The following CDH24 variants were observed in gnomAD, a reference collection of about 807,000 sequenced individuals.
CDH24 encodes cadherin-24.
A neutral mutation model predicts 71.2 loss-of-function variants in CDH24; 61 were observed. That is an observed-to-expected ratio of 0.86 (90% CI 0.70 to 1.06). CDH24 has a LOEUF of 1.06. Among genes scored for constraint, CDH24 ranks in the 50% least tolerant of loss-of-function variants. CDH24 has a pLI of 0.00. For synonymous variants in CDH24, 440 were observed against 470.2 expected, an observed-to-expected ratio of 0.94 and a Z score of 0.83; for missense variants, 961 against 1,083.7, an observed-to-expected ratio of 0.89 and a Z score of 1.59.
Position 23,054,458 on chromosome 14 carries a change from G to T in CDH24, c.784+48C>A. On this transcript the variant is annotated intron_variant, in intron 5 of 12. Coordinates refer to ENST00000487137, the MANE Select transcript of CDH24 (RefSeq NM_144985.4). This position sits in a 1 kb window ranked among gnomAD's most constrained non-coding sequence, Gnocchi z 5.2. ...GGGAAGGTTTCTCCAGACACTGTAG[G>T]GGTGGGGTGATCAAAGGATGGCTCA... The T allele has an allele frequency of 6.3e-7, 1 of 1,591,684 alleles. No homozygotes were observed. Among genetic ancestry groups the T allele is most frequent in the Non-Finnish European group, 8.6e-7 (1 of 1,166,770 alleles).
chr14:23,056,690 G>A (rs1179595702), intron 1 of CDH24, among the ~76,000 whole-genome samples: 1 of 152,194 alleles, frequency 6.6e-6, no homozygotes, highest in Non-Finnish European at 1.5e-5. Context: ...CGGGCAGGCA[G>A]GGGCAGACCT....
chr14:23,048,231 G>A lies in CDH24; in HGVS notation c.2095C>T (p.Pro699Ser). ...GCCAGGAGCTGCGCCACGTCGGCGG[G>A]GCCGGGGGGTCTGGGCTGGCGCGAC... ...RVSRQPRPPG[P>S]ADVAQLLALR... The change falls in exon 12 of 13, where the codon CCC (proline) becomes TCC (serine). Residue 699 changes from proline (P) to serine (S), a missense_variant. Physicochemically the swap from Pro to Ser is moderately conservative, Grantham distance 74. Coordinates refer to ENST00000487137, the MANE Select transcript of CDH24 (RefSeq NM_144985.4). The A allele has an allele frequency of 1.5e-6, 2 of 1,325,250 alleles. No individual in the cohort carries two copies. The highest frequency in any genetic ancestry group is 1.9e-6 in the Non-Finnish European group (2 of 1,040,270). The allele number at this position is 1,325,250 out of a possible 1,614,324, so 82.1% of individuals were successfully genotyped here. A position where few individuals can be genotyped will look rare whatever the true frequency, so the allele number is the denominator to read the frequency against.
chr14:23,052,823 CG>C (rs2047095137), intron 7 of CDH24, among the ~76,000 whole-genome samples: 1 of 151,976 alleles, frequency 6.6e-6, no homozygotes, highest in African/African-American at 2.4e-5. Flanking sequence ...CTGGGTTTCA[CG>C]GGGGGAGGGG....
In CDH24 at chr14:23,054,539, C is replaced by T. The variant is rs951448752; in HGVS notation, c.751G>A (p.Asp251Asn). 3.7e-6 allele frequency: 6 copies of T among 1,613,776 alleles called. No individual in the cohort carries two copies. The highest frequency in any genetic ancestry group is 2.7e-5 in the African/African-American group (2 of 74,896). ...GSTTVTVTLS[D>N]VNDNPPKFPQ... is the part of the protein sequence containing the mutation. ...AACTTGGGGGGGTTGTCGTTGACAT[C>T]GCTGAGCGTGACAGTCACCGTAGTG... Residue 251 changes from aspartate to asparagine, a missense_variant, in exon 5 of 13, where the codon GAT becomes AAT. Physicochemically the swap from Asp to Asn is conservative, Grantham distance 23. Transcript: ENST00000487137. The surrounding 1 kb of genome is among the most constrained non-coding windows in gnomAD (Gnocchi z 5.2).
intron 1 of CDH24, among the ~76,000 whole-genome samples, chr14:23,056,126 A>G (rs1162065591): frequency 2.0e-5 from 3 of 152,182 alleles, no homozygotes; most frequent in African/African-American, 7.2e-5. Flanking sequence ...GAGGGCTTGG[A>G]ATCCCAAATC....
chr14:23,048,457 G>C lies in CDH24; in HGVS notation c.1869C>G (p.Ala623=). ...ALLALVVLFV[A]LRRQKQEALM... is the part of the protein sequence containing the mutation. The stretch of plus-strand genomic sequence containing the variant: ...GTGCTTCTTGCTTCTGCCGCCGCAG[G>C]GCCACGAAGAGCACCACCAGGGCTG... The change falls in exon 12 of 13, where the codon GCC becomes GCG. Residue 623 remains alanine, a synonymous_variant. Coordinates refer to ENST00000487137, the MANE Select transcript of CDH24 (RefSeq NM_144985.4). The C allele has an allele frequency of 6.2e-7, 1 of 1,609,320 alleles. No individual in the cohort carries two copies. Among genetic ancestry groups the C allele is most frequent in the Non-Finnish European group, 8.5e-7 (1 of 1,179,520 alleles).
Position 23,049,183 on chromosome 14 carries a change from G to A in CDH24, c.1690C>T (p.Pro564Ser). Reference sequence around the variant, plus strand: ...ACTGTGGCAGTGCTGCTCAGCGCCGGCTGCCCCCAGTCCCACAGTTCTATG... The same window carrying A: ...ACTGTGGCAGTGCTGCTCAGCGCCGACTGCCCCCAGTCCCACAGTTCTATG... Reference protein sequence around the residue: ...VPIELWDWGQPALSSTATVTV... With the variant: ...VPIELWDWGQSALSSTATVTV... The change falls in exon 11 of 13, where the codon CCG (proline) becomes TCG (serine). Residue 564 changes from proline to serine, a missense_variant. Transcript: ENST00000487137. The A allele has an allele frequency of 6.4e-7, 1 of 1,574,524 alleles. No individual in the cohort carries two copies. Among genetic ancestry groups the A allele is most frequent in the Non-Finnish European group, 8.6e-7 (1 of 1,160,066 alleles).
chr14:23,047,714 G>C lies in CDH24; in HGVS notation c.*266C>G, dbSNP rs956680265. ...GAGGAATCACAGTGAGAGATCGCAG[G>C]GCCAGGGCCAGGGCAGGAAACCCAG... On this transcript the variant is annotated 3_prime_UTR_variant, in exon 12 of 13. Coordinates refer to ENST00000487137, the MANE Select transcript of CDH24 (RefSeq NM_144985.4). 2 of 315,832 alleles carry C rather than the reference G, an allele frequency of 6.3e-6. No individual in the cohort carries two copies. The highest frequency in any genetic ancestry group is 2.9e-4 in the South Asian group (2 of 6,998). The allele number at this position is 315,832 out of a possible 1,614,324, so 19.6% of individuals were successfully genotyped here. A position where few individuals can be genotyped will look rare whatever the true frequency, so the allele number is the denominator to read the frequency against.
chr14:23,050,096 G>T, intron 8 of CDH24, 153 bp from the exon 9 acceptor site: 1 of 1,063,794 alleles, frequency 9.4e-7, no homozygotes, highest in Non-Finnish European at 1.3e-6. Flanking sequence ...AGAAAACAAT[G>T]TTGCAGAATG....
In CDH24 at chr14:23,055,237, G is replaced by C. The variant is rs765610548; in HGVS notation, c.318C>G (p.Ser106Arg). 1 of 1,614,128 alleles carries C rather than the reference G, an allele frequency of 6.2e-7. No homozygotes were observed. Among genetic ancestry groups the C allele is most frequent in the Non-Finnish European group, 8.5e-7 (1 of 1,180,004 alleles). ...EATGNIHVTK[S>R]LDREEKAQYV... ...ATTGCGCCTTTTCCTCCCGGTCAAGGCTCTTGGTAACATGAATATTGCCTG... is the reference window on the plus strand; with the variant it reads ...ATTGCGCCTTTTCCTCCCGGTCAAGCCTCTTGGTAACATGAATATTGCCTG... The change falls in exon 3 of 13, where the codon AGC becomes AGG. Residue 106 changes from serine to arginine, a missense_variant. By Grantham distance (110) the Ser-to-Arg change is moderately radical. Coordinates refer to ENST00000487137, the MANE Select transcript of CDH24 (RefSeq NM_144985.4). The surrounding 1 kb of genome is among the most constrained non-coding windows in gnomAD (Gnocchi z 4.1).
chr14:23,054,714 C>G lies in CDH24; in HGVS notation c.616+33G>C, dbSNP rs763893520. ...GGTCAGAGGGTGTCTGTCCCCTTGGCTGCCCCACCGGGCTCCCAGGCTCCA... is the reference window on the plus strand; with the variant it reads ...GGTCAGAGGGTGTCTGTCCCCTTGGGTGCCCCACCGGGCTCCCAGGCTCCA... On this transcript the variant is annotated intron_variant, in intron 4 of 12. Transcript: ENST00000487137. The surrounding 1 kb of genome is among the most constrained non-coding windows in gnomAD (Gnocchi z 5.2). 6.2e-7 allele frequency: 1 copy of G among 1,613,982 alleles called. No homozygotes were observed. Among genetic ancestry groups the G allele is most frequent in the Non-Finnish European group, 8.5e-7 (1 of 1,179,958 alleles).
rs886310549 is a variant in CDH24, at chr14:23,054,811, G to A, written c.552C>T (p.Asn184=). The change falls in exon 4 of 13, where the codon AAC becomes AAT. Residue 184 remains asparagine (N), a synonymous_variant. Transcript: ENST00000487137. This position sits in a 1 kb window ranked among gnomAD's most constrained non-coding sequence, Gnocchi z 5.2. ...GAACAGTGTACACCAGCTTGGCACT[G>A]TTCCCATAGCTGGGGTCATCAGCAT... ...AHDADDPSYG[N]SAKLVYTVLD... The A allele has an allele frequency of 6.8e-6, 11 of 1,613,904 alleles. No homozygotes were observed. The African/African-American group carries it at 1.1e-4, about 16-fold the overall frequency.
At position 23,056,318 on chromosome 14, in the gene CDH24, C is replaced by T. The variant is rs116026798; in HGVS notation, c.-124-461G>A. Among the ~76,000 whole-genome samples the T allele has an allele frequency of 3.8e-3, 573 of 152,330 alleles. 2 individuals are homozygous for T. Among genetic ancestry groups the T allele is most frequent in the African/African-American group, 0.013 (540 of 41,572 alleles). ...GGGCTGAGAGTCTGTGAAAGTCCCT[C>T]CCCACAAGGGGGAGCCCCACTCTCC... On this transcript the variant is annotated intron_variant, in intron 1 of 12. Coordinates refer to ENST00000487137, the MANE Select transcript of CDH24 (RefSeq NM_144985.4).
At chr14:23,053,815 G>A in intron 6 of CDH24, 66 bp from the exon 7 acceptor site, 1 of 1,487,160 alleles carries the variant, frequency 6.7e-7, no homozygotes, top group Non-Finnish European at 9.1e-7. Flanking sequence ...CAGGCTCTTG[G>A]AAGGTGACAA....
rs753753123 is a variant in CDH24 at position 23,053,556 on chromosome 14, G to A, written c.1166C>T (p.Pro389Leu). The A allele has an allele frequency of 1.1e-5, 17 of 1,609,576 alleles. No individual in the cohort carries two copies. Among genetic ancestry groups the A allele is most frequent in the Non-Finnish European group, 1.4e-5 (16 of 1,176,574 alleles). Residue 389 changes from proline (P) to leucine (L), a missense_variant, in exon 7 of 13, where the codon CCG (proline) becomes CTG (leucine). This residue lies in a region of CDH24 where 671 missense variants were observed against 810.9 expected (regional missense o/e 0.83). Transcript: ENST00000487137. ...GGAGATCTGGCCTACCAGGGTCCCCGGGGCCTTGTTCTCAGGCACTGTCAG... is the reference window on the plus strand; with the variant it reads ...GGAGATCTGGCCTACCAGGGTCCCCAGGGCCTTGTTCTCAGGCACTGTCAG... ...YHLTVPENKA[P>L]GTLVGQISAA...
chr14:23,052,458 C>A lies in CDH24; in HGVS notation c.1363+15G>T, dbSNP rs768305211. On this transcript the variant is annotated intron_variant, in intron 8 of 12. Transcript: ENST00000487137. ...CAGGAGGCTGCTGCCGCCTTGTGGGCCCTGGAGTCCTCACCGAGCTCTGTA... is the reference window on the plus strand; with the variant it reads ...CAGGAGGCTGCTGCCGCCTTGTGGGACCTGGAGTCCTCACCGAGCTCTGTA... The A allele has an allele frequency of 6.2e-7, 1 of 1,613,200 alleles. No individual in the cohort carries two copies. The highest frequency in any genetic ancestry group is 1.7e-5 in the Admixed American group (1 of 60,008).
intron 1 of CDH24, among the ~76,000 whole-genome samples, chr14:23,056,444 G>A (rs73598405): frequency 0.27 from 41,756 of 152,112 alleles, 6,274 homozygotes; most frequent in African/African-American, 0.4. Context: ...AGGATACAGG[G>A]TGGGGGACAG....
At chr14:23,056,401 G>T (rs1350215555) in intron 1 of CDH24, among the ~76,000 whole-genome samples, 1 of 152,212 alleles carries the variant, frequency 6.6e-6, no homozygotes, top group Non-Finnish European at 1.5e-5. Flanking sequence ...CTGGGCTCGT[G>T]AGACAGGAGT....
rs552702624 is a variant in CDH24, at chr14:23,051,362, T to C, written c.1363+1111A>G. Among the ~76,000 whole-genome samples the C allele has an allele frequency of 2.6e-5, 4 of 152,312 alleles. No individual in the cohort carries two copies. The highest frequency in any genetic ancestry group is 9.6e-5 in the African/African-American group (4 of 41,560). On this transcript the variant is annotated intron_variant, in intron 8 of 12. Transcript: ENST00000487137. The surrounding 1 kb of genome is among the most constrained non-coding windows in gnomAD (Gnocchi z 4.4). ...TTTGCCTGAGTTTATTGTTTAAAAA[T>C]GAGGAAATAATCATACTTCCCTCAT...
Sources: allele counts gnomAD v4.1 joint callset (sites outside exome capture counted in the v4.1 genomes callset), GRCh38; gene constraint gnomAD v4.1.1; regional missense constraint gnomAD v4.1.1; non-coding constraint Gnocchi (gnomAD v3.1); transcripts MANE v1.5; gene names NCBI Gene and HGNC (gene_info 2026-07-23, HGNC 2026-07-21).